The following RASEF variants were observed in gnomAD, a reference collection of about 807,000 sequenced individuals.
RASEF encodes RAS and EF-hand domain containing, also known as ras and EF-hand domain-containing protein.
A neutral mutation model predicts 90.1 loss-of-function variants in RASEF; 68 were observed. That is an observed-to-expected ratio of 0.75 (90% CI 0.62 to 0.92). The LOEUF (loss-of-function observed/expected upper bound fraction) is 0.92. Among genes scored for constraint, RASEF ranks in the 40% least tolerant of loss-of-function variants. RASEF has a pLI of 0.00. For synonymous variants in RASEF, 331 were observed against 345.2 expected (o/e 0.96, Z 0.46); for missense variants, 949 against 937.2 (o/e 1.01, Z -0.16).
chr9:83,182,049 C>T, the RASEF span, among the ~76,000 whole-genome samples: 2 of 152,158 alleles, frequency 1.3e-5, no homozygotes, highest in East Asian at 3.9e-4. Context: ...ACTTGAATTG[C>T]ATTTCAGATG....
the RASEF span, among the ~76,000 whole-genome samples, chr9:83,118,486 T>A: frequency 2.6e-5 from 4 of 152,080 alleles, no homozygotes; most frequent in African/African-American, 9.7e-5. Context: ...TTTCTCGTAT[T>A]TCTTTCCTGT....
At chr9:83,071,934 T>C in the RASEF span, among the ~76,000 whole-genome samples, 1,259 of 152,296 alleles carry the variant, frequency 8.3e-3, 17 homozygotes, top group African/African-American at 0.028. Context: ...TTCTGCTACC[T>C]TCTATTGGTG....
At chr9:82,998,180 A>G (rs1434163628) in intron 13 of RASEF, among the ~76,000 whole-genome samples, 185 bp downstream of exon 13, 1 of 152,250 alleles carries the variant, frequency 6.6e-6, no homozygotes, top group Non-Finnish European at 1.5e-5. Context: ...AGGTAAATGA[A>G]GGAGATGTGC....
chr9:83,087,405 T>TCTCTCTCTCTCTCTCTC, the RASEF span, among the ~76,000 whole-genome samples: 7 of 115,600 alleles, frequency 6.1e-5, no homozygotes, highest in Non-Finnish European at 1.1e-4. Flanking sequence ...TTCTCATTCA[T>TCTCTCTCTCTCTCTCTC]TCTCTCTCTC....
At position 83,009,665 on chromosome 9, in the gene RASEF, G is replaced by C. The variant is rs760347551; in HGVS notation, c.935C>G (p.Ala312Gly). The C allele has an allele frequency of 6.2e-7, 1 of 1,607,436 alleles. No individual in the cohort carries two copies. The highest frequency in any genetic ancestry group is 8.5e-7 in the Non-Finnish European group (1 of 1,174,348). ...SELDALKSDY[A>G]DQSLNTERDL... is the part of the protein sequence containing the mutation. ...CCTTTCAGTATTCAGACTCTGATCA[G>C]CATAATCACTTTTCAAAGCATCTAA... Residue 312 changes from alanine to glycine, a missense_variant, in exon 6 of 17, where the codon GCT (alanine) becomes GGT (glycine). By Grantham distance (60) the Ala-to-Gly change is moderately conservative (BLOSUM62 0). Coordinates refer to ENST00000376447, the MANE Select transcript of RASEF (RefSeq NM_152573.4).
At chr9:83,045,064 T>A (rs185115602) in intron 1 of RASEF, among the ~76,000 whole-genome samples, 1 of 152,284 alleles carries the variant, frequency 6.6e-6, no homozygotes. Context: ...GTCACACGAG[T>A]CAATTCCCTA....
the RASEF span, among the ~76,000 whole-genome samples, chr9:83,150,606 C>T: frequency 0.34 from 51,950 of 151,966 alleles, 9,109 homozygotes; most frequent in Middle Eastern, 0.42. Flanking sequence ...AAAAACAATA[C>T]TCTGAACTTT....
chr9:83,095,153 G>T, the RASEF span, among the ~76,000 whole-genome samples: 2 of 152,128 alleles, frequency 1.3e-5, no homozygotes, highest in African/African-American at 4.8e-5. Context: ...CAGACCAGTT[G>T]TAATCAGTCA....
chr9:83,162,098 GA>G, the RASEF span, among the ~76,000 whole-genome samples: 18 of 151,692 alleles, frequency 1.2e-4, no homozygotes, highest in African/African-American at 2.4e-4. Context: ...TTTTAATACA[GA>G]AAAAAAATAG....
At chr9:83,141,592 C>A in the RASEF span, among the ~76,000 whole-genome samples, 51,612 of 152,062 alleles carry the variant, frequency 0.34, 8,987 homozygotes, top group Middle Eastern at 0.43. Context: ...GAGTCTGAGG[C>A]GTTCTTGTCC....
At chr9:83,115,044 C>T in the RASEF span, among the ~76,000 whole-genome samples, 1 of 152,118 alleles carries the variant, frequency 6.6e-6, no homozygotes, top group African/African-American at 2.4e-5. Context: ...TGATGTCTCC[C>T]CCAGACACCC....
chr9:83,216,515 C>G, the RASEF span, among the ~76,000 whole-genome samples: 1 of 152,152 alleles, frequency 6.6e-6, no homozygotes, highest in African/African-American at 2.4e-5. Flanking sequence ...TACACAAAAG[C>G]CAAGAACCGA....
At chr9:83,078,881 C>T in the RASEF span, among the ~76,000 whole-genome samples, 8 of 152,136 alleles carry the variant, frequency 5.3e-5, no homozygotes, top group Non-Finnish European at 1.2e-4. Flanking sequence ...ATCCTTTGCC[C>T]ACTTTTTAAT....
chr9:83,181,586 C>T, the RASEF span, among the ~76,000 whole-genome samples: 2 of 152,148 alleles, frequency 1.3e-5, no homozygotes, highest in African/African-American at 2.4e-5. Flanking sequence ...ATTCATCATT[C>T]TCACCTCTTT....
the RASEF span, among the ~76,000 whole-genome samples, chr9:83,123,462 T>C: frequency 1.3e-5 from 2 of 152,288 alleles, no homozygotes; most frequent in African/African-American, 4.8e-5. Context: ...AGGAGTTGAA[T>C]TGCCCATGCC....
chr9:83,035,707 T>C (rs888277038), intron 1 of RASEF, among the ~76,000 whole-genome samples: 5 of 152,142 alleles, frequency 3.3e-5, no homozygotes, highest in East Asian at 1.9e-4. Context: ...AGGTATATTA[T>C]AGTTATTTTT....
At chr9:83,157,271 AT>A in the RASEF span, among the ~76,000 whole-genome samples, 1 of 152,240 alleles carries the variant, frequency 6.6e-6, no homozygotes, top group East Asian at 1.9e-4. Context: ...TACTGTCTAC[AT>A]ATTCTTGTGA....
chr9:83,203,231 T>C, the RASEF span, among the ~76,000 whole-genome samples: 1 of 152,126 alleles, frequency 6.6e-6, no homozygotes, highest in Non-Finnish European at 1.5e-5. Context: ...TTAGACAGAC[T>C]TGGTCTTGCC....
Position 83,026,007 on chromosome 9 carries a change from A to G in RASEF, c.432-86T>C, listed in dbSNP as rs149248637. 1,229 of 972,522 alleles carry G rather than the reference A, an allele frequency of 1.3e-3. 12 individuals are homozygous for G. In the African/African-American group the frequency reaches 0.018, roughly 14 times the overall value. The allele number at this position is 972,522 out of a possible 1,614,324, so 60.2% of individuals were successfully genotyped here. ...GGGCTTTTAAGAAAGAGAAACATAA[A>G]TGAAGAACTAAGGAAAGAAAAACCA... On this transcript the variant is annotated intron_variant, in intron 1 of 16. Coordinates refer to ENST00000376447, the MANE Select transcript of RASEF (RefSeq NM_152573.4).
Sources: gnomAD v4.1 joint callset for allele counts (sites outside exome capture counted in the v4.1 genomes callset) on GRCh38, gnomAD v4.1.1 for gene constraint, MANE v1.5 for transcripts, NCBI Gene and HGNC (gene_info 2026-07-23, HGNC 2026-07-21) for gene names.